TTC7B: variants seen among roughly 807,000 people sequenced by gnomAD.
The protein encoded by TTC7B is tetratricopeptide repeat domain 7B, also known as tetratricopeptide repeat protein 7B.
A neutral mutation model predicts 106.8 loss-of-function variants in TTC7B; 28 were observed. That is an observed-to-expected ratio of 0.26 (90% CI 0.19 to 0.36). The LOEUF (loss-of-function observed/expected upper bound fraction) is 0.36. Among genes scored for constraint, TTC7B ranks in the 10% least tolerant of loss-of-function variants. The probability of loss-of-function intolerance (pLI) is 1.00; values close to 1 mark genes in which losing one functional copy is unlikely to be tolerated. For synonymous variants in TTC7B, 405 were observed against 430.6 expected, an observed-to-expected ratio of 0.94 and a Z score of 0.74; for missense variants, 862 against 1,076.4, an observed-to-expected ratio of 0.80 and a Z score of 2.79.
rs919901843 is a variant in TTC7B, at chr14:90,538,942, T to C, written c.*2426A>G. On this transcript the variant is annotated 3_prime_UTR_variant, in exon 20 of 20. Transcript: ENST00000328459. ...TTCTCAGGCAGGCCACCCCATATAATGTCAAATGGCACCCACAGCCCCCCA... is the reference window on the plus strand; with the variant it reads ...TTCTCAGGCAGGCCACCCCATATAACGTCAAATGGCACCCACAGCCCCCCA... 2.0e-5 allele frequency: 3 copies of C among 152,126 alleles called. No individual in the cohort carries two copies. Among genetic ancestry groups the C allele is most frequent in the Admixed American group, 2.0e-4 (3 of 15,274 alleles). 9.4% of individuals were successfully genotyped at this position (152,126 alleles called of 1,614,324 possible).
At chr14:90,777,339 C>T (rs1232230321) in intron 3 of TTC7B, among the ~76,000 whole-genome samples, 1 of 152,174 alleles carries the variant, frequency 6.6e-6, no homozygotes, top group African/African-American at 2.4e-5. Context: ...GCCACTGCTA[C>T]GCTTCTGCAT....
At chr14:90,605,255 A>G (rs182498649) in intron 17 of TTC7B, among the ~76,000 whole-genome samples, 3 of 152,132 alleles carry the variant, frequency 2.0e-5, no homozygotes, top group African/African-American at 7.2e-5. Context: ...TTTGCGCAAA[A>G]TGTCGTAATT....
chr14:90,750,160 T>G (rs1349333406), intron 3 of TTC7B, among the ~76,000 whole-genome samples: 1 of 152,172 alleles, frequency 6.6e-6, no homozygotes, highest in East Asian at 1.9e-4. Context: ...AGCATTACCT[T>G]CCCAAATATG....
intron 19 of TTC7B, among the ~76,000 whole-genome samples, chr14:90,565,338 C>T (rs1890746127): frequency 6.6e-6 from 1 of 151,850 alleles, no homozygotes; most frequent in Non-Finnish European, 1.5e-5. Context: ...TGCAAGAGGC[C>T]TCACTTCTGG....
At chr14:90,645,617 A>G (rs984051513) in intron 14 of TTC7B, among the ~76,000 whole-genome samples, 6 of 152,164 alleles carry the variant, frequency 3.9e-5, no homozygotes, top group Non-Finnish European at 7.4e-5. Context: ...ACAACCTACT[A>G]TGTGAATAGC....
intron 7 of TTC7B, among the ~76,000 whole-genome samples, chr14:90,684,071 C>T (rs943937193): frequency 1.6e-5 from 2 of 127,718 alleles, no homozygotes; most frequent in Admixed American, 8.0e-5. Context: ...AACTGGAAAC[C>T]AGGAGGTTCA....
At chr14:90,719,731 C>T (rs534867376) in intron 5 of TTC7B, among the ~76,000 whole-genome samples, 5 of 152,296 alleles carry the variant, frequency 3.3e-5, no homozygotes, top group African/African-American at 9.6e-5. Context: ...CTATATCTAT[C>T]TAAGTAGATG....
At position 90,608,763 on chromosome 14, in the gene TTC7B, G is replaced by A. The variant is rs886241401; in HGVS notation, c.1966+1979C>T. ...TAGGAAAAATGTCCCAATGGGCAAC[G>A]GGAAGAATGAATAACAAGGACCTCA... On this transcript the variant is annotated intron_variant, in intron 17 of 19. Transcript: ENST00000328459. The surrounding 1 kb of genome is among the most constrained non-coding windows in gnomAD (Gnocchi z 5.1). Among the ~76,000 whole-genome samples the A allele has an allele frequency of 7.9e-5, 12 of 152,200 alleles. No homozygotes were observed. The highest frequency in any genetic ancestry group is 1.3e-4 in the Non-Finnish European group (9 of 68,030).
chr14:90,628,558 G>C (rs1292452511), intron 15 of TTC7B, among the ~76,000 whole-genome samples: 1 of 152,146 alleles, frequency 6.6e-6, no homozygotes, highest in Non-Finnish European at 1.5e-5. Context: ...CTGGGCCACA[G>C]TGTGATATGG....
chr14:90,793,454 G>A (rs1469522753), intron 1 of TTC7B, among the ~76,000 whole-genome samples: 1 of 151,170 alleles, frequency 6.6e-6, no homozygotes, highest in African/African-American at 2.4e-5. Flanking sequence ...GAACCCAAGA[G>A]GCGGAGGTTA....
intron 2 of TTC7B, among the ~76,000 whole-genome samples, chr14:90,781,640 C>T (rs929198318): frequency 2.6e-5 from 4 of 152,224 alleles, no homozygotes; most frequent in Admixed American, 6.5e-5. Flanking sequence ...AGATGCACCA[C>T]AACCCTGTAA....
intron 3 of TTC7B, among the ~76,000 whole-genome samples, chr14:90,776,618 A>AC: frequency 6.6e-6 from 1 of 152,150 alleles, no homozygotes; most frequent in East Asian, 1.9e-4. Context: ...AAGGTAGAGG[A>AC]ACCAAGGGCA....
chr14:90,622,917 A>T (rs1884272316), intron 15 of TTC7B, among the ~76,000 whole-genome samples: 1 of 152,080 alleles, frequency 6.6e-6, no homozygotes, highest in South Asian at 2.1e-4. Flanking sequence ...CTACCAAAGG[A>T]TTTGTCCATT....
At chr14:90,554,553 G>A (rs1369086614) in intron 19 of TTC7B, among the ~76,000 whole-genome samples, 1 of 152,182 alleles carries the variant, frequency 6.6e-6, no homozygotes. Context: ...TGTGCCAGGT[G>A]CGGGGAACTC....
At chr14:90,733,193 C>T (rs542194115) in intron 4 of TTC7B, among the ~76,000 whole-genome samples, 2 of 151,990 alleles carry the variant, frequency 1.3e-5, no homozygotes, top group African/African-American at 4.8e-5. Context: ...GTGGGTACAT[C>T]GCTATCTCAT....
At chr14:90,793,448 C>T (rs2140048011) in intron 1 of TTC7B, among the ~76,000 whole-genome samples, 1 of 150,736 alleles carries the variant, frequency 6.6e-6, no homozygotes, top group African/African-American at 2.4e-5. Context: ...TCGCTTGAAC[C>T]CAAGAGGCGG....
At chr14:90,547,492 G>A (rs1889887175) in intron 19 of TTC7B, among the ~76,000 whole-genome samples, 1 of 152,216 alleles carries the variant, frequency 6.6e-6, no homozygotes, top group Admixed American at 6.5e-5. Context: ...GCAGAAGCCT[G>A]CAGGACAGAA....
Position 90,759,906 on chromosome 14 carries a change from G to A in TTC7B, c.446-14984C>T, listed in dbSNP as rs901349405. 2.6e-5 allele frequency among the ~76,000 whole-genome samples: 4 copies of A among 152,190 alleles called. No individual in the cohort carries two copies. The highest frequency in any genetic ancestry group is 5.9e-5 in the Non-Finnish European group (4 of 68,040). ...ACTGTTGTCCCTGGCGCACATGCAG[G>A]GAGATAAAGCAGGCAGCTTAGATAT... On this transcript the variant is annotated intron_variant, in intron 3 of 19. Coordinates refer to ENST00000328459, the MANE Select transcript of TTC7B (RefSeq NM_001010854.2). The surrounding 1 kb of genome is among the most constrained non-coding windows in gnomAD (Gnocchi z 4.1).
chr14:90,677,747 C>G (rs1484023932), intron 8 of TTC7B: 1 of 444,612 alleles, frequency 2.2e-6, no homozygotes, highest in Admixed American at 2.5e-5. Flanking sequence ...TTCCCTCTCA[C>G]TAATGAGACA....
Sources: gnomAD v4.1 joint callset for allele counts (sites outside exome capture counted in the v4.1 genomes callset) on GRCh38, gnomAD v4.1.1 for gene constraint, Gnocchi (gnomAD v3.1) non-coding constraint, MANE v1.5 for transcripts, NCBI Gene and HGNC (gene_info 2026-07-23, HGNC 2026-07-21) for gene names.